The following KLHL24 variants were observed in gnomAD, a reference collection of about 807,000 sequenced individuals.
The protein encoded by KLHL24 is kelch-like protein 24.
KLHL24 carries 29 observed loss-of-function variants against 53.4 expected under a neutral mutation model. The observed-to-expected ratio is 0.54, with a 90% CI of 0.40 to 0.74. The LOEUF is 0.74. Among genes scored for constraint, KLHL24 ranks in the 30% least tolerant of loss-of-function variants. KLHL24 has a pLI of 0.00. For synonymous variants in KLHL24, 222 were observed against 253.7 expected (o/e 0.88, Z 1.19); for missense variants, 504 against 744.0 (o/e 0.68, Z 3.75).
intron 3 of KLHL24, among the ~76,000 whole-genome samples, chr3:183,652,659 G>A (rs960045844): frequency 7.2e-5 from 11 of 152,018 alleles, no homozygotes; most frequent in South Asian, 2.1e-4. Flanking sequence ...TCATTGTTTC[G>A]GAATGTTAAA....
chr3:183,649,543 G>A (rs1187512900), intron 2 of KLHL24, among the ~76,000 whole-genome samples: 1 of 151,596 alleles, frequency 6.6e-6, no homozygotes, highest in Non-Finnish European at 1.5e-5. Context: ...AAAAGGACTT[G>A]CTGGTCAAAC....
intron 7 of KLHL24, among the ~76,000 whole-genome samples, chr3:183,674,822 CTG>C (rs1359408258): frequency 1.3e-5 from 2 of 152,178 alleles, no homozygotes; most frequent in Non-Finnish European, 2.9e-5. Flanking sequence ...CCTTAAGTAT[CTG>C]TCATTTGTAG....
rs774130846 is a variant in KLHL24, at chr3:183,679,180, A to G, written c.1697A>G (p.Asp566Gly). 1 of 1,613,872 alleles carries G rather than the reference A, an allele frequency of 6.2e-7. No individual in the cohort carries two copies. Among genetic ancestry groups the G allele is most frequent in the African/African-American group, 1.3e-5 (1 of 74,904 alleles). Residue 566 changes from aspartate (D) to glycine (G), a missense_variant, in exon 8 of 8, where the codon GAT (aspartate) becomes GGT (glycine). Transcript: ENST00000242810. ...GCCACAGACACTATTCTCTGTTATG[A>G]TCCTGCAACAAGTATCATCACAGGG... ...GEATDTILCYDPATSIITGVA... is the reference protein window; with the variant it reads ...GEATDTILCYGPATSIITGVA...
intron 1 of KLHL24, among the ~76,000 whole-genome samples, chr3:183,638,819 A>G (rs1273464053): frequency 6.6e-6 from 1 of 152,232 alleles, no homozygotes; most frequent in Admixed American, 6.5e-5. Flanking sequence ...TAAATTGAAG[A>G]GTTTGGCACT....
chr3:183,666,827 A>G (rs1720629814), intron 5 of KLHL24, among the ~76,000 whole-genome samples: 1 of 152,196 alleles, frequency 6.6e-6, no homozygotes, highest in South Asian at 2.1e-4. Context: ...AGTTGTACCA[A>G]GGATTACCTT....
At chr3:183,669,921 G>A (rs1721112072) in intron 5 of KLHL24, among the ~76,000 whole-genome samples, 1 of 152,154 alleles carries the variant, frequency 6.6e-6, no homozygotes. Context: ...ATTAGCTATG[G>A]AGGGAAGAGT....
At position 183,684,020 on chromosome 3, in the gene KLHL24, A is replaced by G. The variant is rs1712947195; in HGVS notation, c.*4734A>G. 6.6e-6 allele frequency: 1 copy of G among 152,604 alleles called. No individual in the cohort carries two copies. Among genetic ancestry groups the G allele is most frequent in the Admixed American group, 6.5e-5 (1 of 15,276 alleles). 9.5% of individuals were successfully genotyped at this position (152,604 alleles called of 1,614,324 possible). A position where few individuals can be genotyped will look rare whatever the true frequency, so the allele number is the denominator to read the frequency against. ...TTTTAAAATATTCAGACAAATATCT[A>G]TCTTACATTGATTAAACCCGTGTAA... On this transcript the variant is annotated 3_prime_UTR_variant, in exon 8 of 8. Coordinates refer to ENST00000242810, the MANE Select transcript of KLHL24 (RefSeq NM_017644.3).
chr3:183,669,865 A>G (rs1721102806), intron 5 of KLHL24, among the ~76,000 whole-genome samples: 1 of 152,166 alleles, frequency 6.6e-6, no homozygotes, highest in Non-Finnish European at 1.5e-5. Flanking sequence ...GAAGGGGTAT[A>G]TGTGAAAGAT....
Position 183,641,474 on chromosome 3 carries a change from C to CAAAAAA in KLHL24, c.-124-1991_-124-1986dup, listed in dbSNP as rs202119480. On this transcript the variant is annotated intron_variant, in intron 1 of 7. Transcript: ENST00000242810. The stretch of plus-strand genomic sequence containing the variant: ...GCCTGGCAACAGAGTGAGACTGTCT[C>CAAAAAA]AAAAAAAAAAAAAAAAAAAAGATTT... Among the ~76,000 whole-genome samples, 353 of 70,138 alleles carry CAAAAAA rather than the reference C, an allele frequency of 5.0e-3. 12 individuals are homozygous for CAAAAAA. The highest frequency in any genetic ancestry group is 0.014 in the African/African-American group (257 of 18,324). The allele number at this position is 70,138 out of a possible 152,430, so 46.0% of individuals were successfully genotyped here.
At chr3:183,637,447 A>C (rs1175830729) in intron 1 of KLHL24, among the ~76,000 whole-genome samples, 1 of 152,196 alleles carries the variant, frequency 6.6e-6, no homozygotes, top group Non-Finnish European at 1.5e-5. Flanking sequence ...TGGTAATTCA[A>C]AATGTTTGAG....
At chr3:183,677,060 A>G (rs2108899675) in intron 7 of KLHL24, among the ~76,000 whole-genome samples, 1 of 152,256 alleles carries the variant, frequency 6.6e-6, no homozygotes, top group Admixed American at 6.5e-5. Context: ...GTATAAACAA[A>G]CAGAGTAAAT....
At chr3:183,660,787 G>A (rs989872386) in intron 3 of KLHL24, among the ~76,000 whole-genome samples, 9 of 151,984 alleles carry the variant, frequency 5.9e-5, no homozygotes, top group African/African-American at 1.5e-4. Context: ...GCCGGGAGCC[G>A]CAGCTCACGC....
At chr3:183,640,071 T>A (rs1716131632) in intron 1 of KLHL24, among the ~76,000 whole-genome samples, 1 of 152,018 alleles carries the variant, frequency 6.6e-6, no homozygotes, top group Non-Finnish European at 1.5e-5. Context: ...AACATAACTA[T>A]ATCATATATC....
At chr3:183,667,909 TA>T (rs1720802790) in intron 5 of KLHL24, among the ~76,000 whole-genome samples, 1 of 151,586 alleles carries the variant, frequency 6.6e-6, no homozygotes, top group Non-Finnish European at 1.5e-5. Flanking sequence ...GATAATGTTT[TA>T]TCCTGTTGCC....
chr3:183,650,432 G>A lies in KLHL24; in HGVS notation c.76G>A (p.Val26Ile). 1 of 1,614,144 alleles carries A rather than the reference G, an allele frequency of 6.2e-7. No homozygotes were observed. Among genetic ancestry groups the A allele is most frequent in the Non-Finnish European group, 8.5e-7 (1 of 1,180,030 alleles). Residue 26 changes from valine to isoleucine, a missense_variant, in exon 3 of 8, where the codon GTT (valine) becomes ATT (isoleucine). Physicochemically the swap from Val to Ile is conservative, Grantham distance 29. Transcript: ENST00000242810. The surrounding 1 kb of genome is among the most constrained non-coding windows in gnomAD (Gnocchi z 4.5). ...TGATTCCCCAGCAACTAAGCGAAAA[G>A]TTTTTGAAATGGACCCCAAATCTCT... Reference protein sequence around the residue: ...VRDSPATKRKVFEMDPKSLTG... With the variant: ...VRDSPATKRKIFEMDPKSLTG...
chr3:183,666,633 C>G lies in KLHL24; in HGVS notation c.1224+1594C>G, dbSNP rs374294173. ...CATTGAGCATCCCAAATCAAAAAATCCAAGATCTGAAATGTTCCAATGAGC... is the reference window on the plus strand; with the variant it reads ...CATTGAGCATCCCAAATCAAAAAATGCAAGATCTGAAATGTTCCAATGAGC... On this transcript the variant is annotated intron_variant, in intron 5 of 7. Coordinates refer to ENST00000242810, the MANE Select transcript of KLHL24 (RefSeq NM_017644.3). 1.3e-4 allele frequency among the ~76,000 whole-genome samples: 20 copies of G among 152,176 alleles called. 1 individual carries two copies. Among genetic ancestry groups the G allele is most frequent in the Admixed American group, 5.2e-4 (8 of 15,278 alleles).
At position 183,650,265 on chromosome 3, in the gene KLHL24, T is replaced by A. The variant is rs1412878367; in HGVS notation, c.-61-31T>A. 11 of 919,054 alleles carry A rather than the reference T, an allele frequency of 1.2e-5. No individual in the cohort carries two copies. The East Asian group carries it at 2.8e-4, about 24-fold the overall frequency. 56.9% of individuals were successfully genotyped at this position (919,054 alleles called of 1,614,324 possible). On this transcript the variant is annotated intron_variant, in intron 2 of 7. Transcript: ENST00000242810. This position sits in a 1 kb window ranked among gnomAD's most constrained non-coding sequence, Gnocchi z 4.5. Reference sequence around the variant, plus strand: ...TGATTTGAATACTGAATTTTTTGCATATTGAAATGTTTTCCTTTTTTTACT... The same window carrying A: ...TGATTTGAATACTGAATTTTTTGCAAATTGAAATGTTTTCCTTTTTTTACT...
intron 3 of KLHL24, among the ~76,000 whole-genome samples, chr3:183,654,070 C>T (rs77412780): frequency 0.025 from 3,798 of 152,310 alleles, 168 homozygotes; most frequent in African/African-American, 0.087. Flanking sequence ...AGTCACTCTA[C>T]TGAAACTCCT....
chr3:183,642,504 A>G (rs747713651), intron 1 of KLHL24, among the ~76,000 whole-genome samples: 1 of 151,928 alleles, frequency 6.6e-6, no homozygotes, highest in Non-Finnish European at 1.5e-5. Context: ...TATCTGGGCC[A>G]GAAACCAGAA....
Sources: gnomAD v4.1 joint callset for allele counts (sites outside exome capture counted in the v4.1 genomes callset) on GRCh38, gnomAD v4.1.1 for gene constraint, Gnocchi (gnomAD v3.1) non-coding constraint, MANE v1.5 for transcripts, NCBI Gene and HGNC (gene_info 2026-07-23, HGNC 2026-07-21) for gene names.